Variants in MARCHF1 observed in about 807,000 individuals in gnomAD.
The protein encoded by MARCHF1 is E3 ubiquitin-protein ligase MARCHF1.
A neutral mutation model predicts 54.2 loss-of-function variants in MARCHF1; 40 were observed. That is an observed-to-expected ratio of 0.74 (90% confidence interval 0.57 to 0.96). The LOEUF (loss-of-function observed/expected upper bound fraction) is 0.96, where lower values mean the gene tolerates loss of function less well. Ranked by LOEUF, MARCHF1 falls within the 40% of genes least tolerant of loss-of-function variation. MARCHF1 has a pLI of 0.00. For synonymous variants in MARCHF1, 236 were observed against 236.3 expected (o/e 1.00, Z 0.01); for missense variants, 586 against 656.5 (o/e 0.89, Z 1.17).
intron 1 of MARCHF1, among the ~76,000 whole-genome samples, chr4:164,264,795 C>T (rs1733563533): frequency 6.6e-6 from 1 of 151,824 alleles, no homozygotes; most frequent in African/African-American, 2.4e-5. Flanking sequence ...TGGCAGGCAC[C>T]TGTAATATCA....
chr4:164,349,854 G>A (rs891685620), intron 1 of MARCHF1, among the ~76,000 whole-genome samples: 7 of 152,158 alleles, frequency 4.6e-5, no homozygotes, highest in African/African-American at 1.7e-4. Context: ...TTCAAAAGTT[G>A]TCAAGAGATT....
chr4:164,066,966 C>T (rs1754743650), intron 2 of MARCHF1, among the ~76,000 whole-genome samples: 1 of 151,934 alleles, frequency 6.6e-6, no homozygotes, highest in Non-Finnish European at 1.5e-5. Context: ...AATAAACCCC[C>T]ATGATATAAG....
intron 2 of MARCHF1, among the ~76,000 whole-genome samples, chr4:164,023,772 CT>C (rs1753714842): frequency 6.6e-6 from 1 of 152,048 alleles, no homozygotes; most frequent in African/African-American, 2.4e-5. Context: ...AATTCAAAAT[CT>C]GAATGACAAG....
intron 4 of MARCHF1, among the ~76,000 whole-genome samples, chr4:163,708,282 C>T (rs533337086): frequency 2.6e-5 from 4 of 152,142 alleles, no homozygotes; most frequent in African/African-American, 9.6e-5. Context: ...TTCACTCAGA[C>T]CTCGGGAGGA....
intron 1 of MARCHF1, among the ~76,000 whole-genome samples, chr4:164,222,412 T>C (rs79028454): frequency 0.014 from 2,132 of 152,044 alleles, 53 homozygotes; most frequent in African/African-American, 0.049. Context: ...ATATATTTTG[T>C]GTATATTAGA....
intron 1 of MARCHF1, among the ~76,000 whole-genome samples, chr4:164,231,080 T>A (rs919289783): frequency 2.0e-5 from 3 of 152,134 alleles, no homozygotes; most frequent in African/African-American, 7.2e-5. Flanking sequence ...GTCCAGGACT[T>A]AAAGTGAGGA....
chr4:163,895,436 A>G lies in MARCHF1; in HGVS notation c.-38-41267T>C, dbSNP rs144238138. Among the ~76,000 whole-genome samples the G allele has an allele frequency of 1.2e-3, 181 of 152,302 alleles. 2 individuals are homozygous for G. The highest frequency in any genetic ancestry group is 4.6e-3 in the South Asian group (22 of 4,832). ...TGATGTTTGGCAGATGATAAGCACCATATTTGTTATGGGAAGGTAACTATC... is the reference window on the plus strand; with the variant it reads ...TGATGTTTGGCAGATGATAAGCACCGTATTTGTTATGGGAAGGTAACTATC... On this transcript the variant is annotated intron_variant, in intron 3 of 9. Coordinates refer to ENST00000514618, the MANE Select transcript of MARCHF1 (RefSeq NM_001394959.1).
At chr4:163,939,412 G>A (rs1053699791) in intron 3 of MARCHF1, among the ~76,000 whole-genome samples, 3 of 152,078 alleles carry the variant, frequency 2.0e-5, no homozygotes, top group African/African-American at 7.2e-5. Context: ...ATGTTAGCTC[G>A]CTAGGGAAAT....
At chr4:164,378,004 T>C (rs1297776068) in intron 1 of MARCHF1, among the ~76,000 whole-genome samples, 3 of 152,236 alleles carry the variant, frequency 2.0e-5, no homozygotes, top group Non-Finnish European at 4.4e-5. Context: ...TTTCAGCTGA[T>C]GGTTTTGGTC....
intron 4 of MARCHF1, among the ~76,000 whole-genome samples, chr4:163,810,727 T>C (rs758976331): frequency 6.6e-6 from 1 of 151,874 alleles, no homozygotes; most frequent in Non-Finnish European, 1.5e-5. Context: ...TGTGAAGTGT[T>C]AATGTTTTAA....
intron 3 of MARCHF1, among the ~76,000 whole-genome samples, chr4:163,877,461 G>GTTT (rs71600643): frequency 1.5e-5 from 2 of 137,680 alleles, no homozygotes; most frequent in African/African-American, 5.3e-5. Flanking sequence ...TGTGGGCACT[G>GTTT]TTTTTTTTTT....
At chr4:164,026,512 A>G (rs552489504) in intron 2 of MARCHF1, among the ~76,000 whole-genome samples, 2 of 152,034 alleles carry the variant, frequency 1.3e-5, no homozygotes, top group Non-Finnish European at 2.9e-5. Flanking sequence ...GACACACACA[A>G]AAAAATATTT....
chr4:163,618,010 G>C (rs1249698939), intron 5 of MARCHF1, among the ~76,000 whole-genome samples: 1 of 152,202 alleles, frequency 6.6e-6, no homozygotes, highest in African/African-American at 2.4e-5. Flanking sequence ...AAAACACACA[G>C]CTTTCCTTTG....
At chr4:163,744,082 C>G (rs1746287606) in intron 4 of MARCHF1, among the ~76,000 whole-genome samples, 1 of 152,196 alleles carries the variant, frequency 6.6e-6, no homozygotes, top group South Asian at 2.1e-4. Context: ...AAATCAGTTT[C>G]TATTCCATTA....
At chr4:163,896,026 A>G (rs946006045) in intron 3 of MARCHF1, among the ~76,000 whole-genome samples, 4 of 152,210 alleles carry the variant, frequency 2.6e-5, no homozygotes, top group Admixed American at 6.5e-5. Context: ...TTGTTTTGTA[A>G]AATAAAAATG....
At chr4:163,913,297 A>C (rs748376666) in intron 3 of MARCHF1, among the ~76,000 whole-genome samples, 9 of 152,058 alleles carry the variant, frequency 5.9e-5, no homozygotes, top group Admixed American at 3.3e-4. Flanking sequence ...GGTGATTATA[A>C]TGTTATTGAT....
At chr4:163,760,124 C>G (rs1746788745) in intron 4 of MARCHF1, among the ~76,000 whole-genome samples, 1 of 152,176 alleles carries the variant, frequency 6.6e-6, no homozygotes, top group African/African-American at 2.4e-5. Context: ...CTTTCCTATT[C>G]CAGCTTCAGG....
At position 164,176,968 on chromosome 4, in the gene MARCHF1, C is replaced by CCATATA. The variant is rs1201114627; in HGVS notation, c.-322-65307_-322-65306insTATATG. Among the ~76,000 whole-genome samples the CCATATA allele has an allele frequency of 1.5e-3, 65 of 43,318 alleles. 2 individuals are homozygous for CCATATA. Among genetic ancestry groups the CCATATA allele is most frequent in the African/African-American group, 6.6e-3 (62 of 9,434 alleles). The allele number at this position is 43,318 out of a possible 152,430, so 28.4% of individuals were successfully genotyped here. Reference sequence around the variant, plus strand: ...TCTCTCTCTCTCTCTCTCTCTCTCTCTCTCTCTCTCTCTATATATATATAT... The same window carrying CCATATA: ...TCTCTCTCTCTCTCTCTCTCTCTCTCCATATATCTCTCTCTCTCTATATATATATAT... On this transcript the variant is annotated intron_variant, in intron 1 of 9. Transcript: ENST00000514618.
chr4:163,872,827 G>C (rs1034665153), intron 3 of MARCHF1, among the ~76,000 whole-genome samples: 1 of 151,888 alleles, frequency 6.6e-6, no homozygotes, highest in African/African-American at 2.4e-5. Flanking sequence ...GGCGGATCAT[G>C]AGGTCAGGAA....
Sources: gnomAD v4.1 joint callset for allele counts (sites outside exome capture counted in the v4.1 genomes callset) on GRCh38, gnomAD v4.1.1 for gene constraint, MANE v1.5 for transcripts, NCBI Gene and HGNC (gene_info 2026-07-23, HGNC 2026-07-21) for gene names.